Variants in GRID2 observed in about 807,000 individuals in gnomAD.
GRID2 encodes glutamate ionotropic receptor delta type subunit 2.
In GRID2, 33 loss-of-function variants were observed where a neutral mutation model predicts 114.8. That is an observed-to-expected ratio of 0.29 (90% CI 0.22 to 0.38). GRID2 has a LOEUF of 0.38. Among genes scored for constraint, GRID2 ranks in the 10% least tolerant of loss-of-function variants. The pLI, the probability that GRID2 is intolerant of heterozygous loss-of-function variation, is 1.00. For synonymous variants in GRID2, 505 were observed against 449.9 expected, an observed-to-expected ratio of 1.12 and a Z score of -1.55; for missense variants, 1,184 against 1,257.7, an observed-to-expected ratio of 0.94 and a Z score of 0.89.
intron 8 of GRID2, among the ~76,000 whole-genome samples, chr4:93,286,886 T>C (rs1462309791): frequency 6.6e-6 from 1 of 152,114 alleles, no homozygotes; most frequent in African/African-American, 2.4e-5. Context: ...AATTAATAAT[T>C]AGGGGACTAA....
intron 2 of GRID2, among the ~76,000 whole-genome samples, chr4:92,915,843 T>C (rs1185379422): frequency 1.3e-5 from 2 of 152,190 alleles, no homozygotes; most frequent in Non-Finnish European, 2.9e-5. Flanking sequence ...TTCATATGAT[T>C]GTTGGCCACA....
intron 2 of GRID2, among the ~76,000 whole-genome samples, chr4:93,080,332 A>G (rs1560857405): frequency 6.6e-6 from 1 of 152,222 alleles, no homozygotes; most frequent in Admixed American, 6.5e-5. Context: ...GTGAAGTTCC[A>G]CTGCCCAGTT....
chr4:93,501,885 A>T (rs934422527), intron 12 of GRID2, among the ~76,000 whole-genome samples: 1 of 152,052 alleles, frequency 6.6e-6, no homozygotes, highest in Non-Finnish European at 1.5e-5. Context: ...TTGCTCCTTT[A>T]AGCCTAGAAA....
intron 1 of GRID2, among the ~76,000 whole-genome samples, chr4:92,403,737 TA>T (rs1560609420): frequency 1.5e-5 from 2 of 136,162 alleles, no homozygotes; most frequent in Non-Finnish European, 3.2e-5. Context: ...AATAAATAAA[TA>T]AATAAAGTGA....
intron 8 of GRID2, among the ~76,000 whole-genome samples, chr4:93,245,337 A>C (rs551129537): frequency 5.9e-5 from 9 of 152,254 alleles, no homozygotes; most frequent in African/African-American, 2.2e-4. Context: ...AAACATAATT[A>C]TTTGCATTTA....
At chr4:93,460,511 G>A (rs780434804) in intron 11 of GRID2, among the ~76,000 whole-genome samples, 4 of 152,014 alleles carry the variant, frequency 2.6e-5, no homozygotes, top group Non-Finnish European at 4.4e-5. Flanking sequence ...TCTTTCCTGG[G>A]ATTGAGAACC....
chr4:93,083,712 A>T (rs1483251905), intron 2 of GRID2, among the ~76,000 whole-genome samples: 1 of 151,934 alleles, frequency 6.6e-6, no homozygotes, highest in South Asian at 2.1e-4. Flanking sequence ...AAAAAAAAAA[A>T]AAAAAATACA....
chr4:93,715,096 T>C (rs1728796910), intron 14 of GRID2, among the ~76,000 whole-genome samples: 1 of 152,120 alleles, frequency 6.6e-6, no homozygotes, highest in South Asian at 2.1e-4. Context: ...CCATCTTGAG[T>C]TGATTTTTGT....
intron 8 of GRID2, among the ~76,000 whole-genome samples, chr4:93,284,260 T>C (rs1259750205): frequency 1.3e-5 from 2 of 152,056 alleles, no homozygotes; most frequent in African/African-American, 2.4e-5. Flanking sequence ...TCTTTAAATA[T>C]AAATTGAAAA....
At chr4:93,786,103 G>T (rs886306343) in intron 1 of GRID2, among the ~76,000 whole-genome samples, 20 of 152,348 alleles carry the variant, frequency 1.3e-4, no homozygotes, top group Non-Finnish European at 2.6e-4. Context: ...CAGATGTGAA[G>T]AGAAGAGAGT....
chr4:93,720,223 T>C, intron 14 of GRID2, among the ~76,000 whole-genome samples: 1 of 152,146 alleles, frequency 6.6e-6, no homozygotes, highest in East Asian at 1.9e-4. Context: ...TTCCTGATAG[T>C]TGTAGCTCTC....
intron 10 of GRID2, among the ~76,000 whole-genome samples, chr4:93,447,506 C>G (rs776830369): frequency 1.6e-4 from 24 of 151,844 alleles, no homozygotes; most frequent in Non-Finnish European, 2.4e-4. Context: ...GAAAAATTTT[C>G]ACAAGCATGA....
At chr4:93,028,766 C>G (rs1378422315) in intron 2 of GRID2, among the ~76,000 whole-genome samples, 2 of 151,848 alleles carry the variant, frequency 1.3e-5, no homozygotes, top group African/African-American at 4.8e-5. Context: ...TTACTCCAGG[C>G]CTAGAAAATT....
At chr4:92,457,886 C>T (rs1721295149) in intron 1 of GRID2, among the ~76,000 whole-genome samples, 1 of 152,152 alleles carries the variant, frequency 6.6e-6, no homozygotes, top group Non-Finnish European at 1.5e-5. Flanking sequence ...AATTTCTCTA[C>T]TACAAATTTT....
At chr4:93,529,432 G>A (rs77423801) in intron 13 of GRID2, among the ~76,000 whole-genome samples, 30 of 152,232 alleles carry the variant, frequency 2.0e-4, no homozygotes, top group African/African-American at 6.0e-4. Context: ...TAGAGCCCAC[G>A]GCAGAACTAC....
At chr4:92,680,538 CT>C (rs1290892347) in intron 2 of GRID2, among the ~76,000 whole-genome samples, 1 of 152,146 alleles carries the variant, frequency 6.6e-6, no homozygotes, top group Non-Finnish European at 1.5e-5. Context: ...TTTTCATCAG[CT>C]GCGGAAGCTT....
intron 4 of GRID2, among the ~76,000 whole-genome samples, chr4:93,152,413 G>C (rs1013794032): frequency 1.3e-5 from 2 of 152,054 alleles, no homozygotes; most frequent in African/African-American, 4.8e-5. Flanking sequence ...AAAACATGAA[G>C]ACAAAGAGTA....
chr4:93,404,099 GC>G (rs1579969299), intron 9 of GRID2, among the ~76,000 whole-genome samples: 1 of 152,110 alleles, frequency 6.6e-6, no homozygotes, highest in Non-Finnish European at 1.5e-5. Flanking sequence ...TTGAAAGCAT[GC>G]TAAGGGAAAG....
chr4:92,615,767 C>T (rs1024337740), intron 2 of GRID2, among the ~76,000 whole-genome samples: 4 of 151,166 alleles, frequency 2.6e-5, no homozygotes, highest in Non-Finnish European at 4.4e-5. Context: ...AGTTTTTGTA[C>T]TATATATTTA....
Sources: allele counts gnomAD v4.1 joint callset (sites outside exome capture counted in the v4.1 genomes callset), GRCh38; gene constraint gnomAD v4.1.1; transcripts MANE v1.5; gene names NCBI Gene and HGNC (gene_info 2026-07-23, HGNC 2026-07-21).